Variants in LDLRAD3 observed in about 807,000 individuals in gnomAD.
The protein encoded by LDLRAD3 is low density lipoprotein receptor class A domain containing 3.
In LDLRAD3, 20 loss-of-function variants were observed where a neutral mutation model predicts 29.4. That is an observed-to-expected ratio of 0.68 (90% CI 0.48 to 0.99). LDLRAD3 has a LOEUF of 0.99. Among genes scored for constraint, LDLRAD3 ranks in the 50% least tolerant of loss-of-function variants. The pLI is 0.00. For synonymous variants in LDLRAD3, 157 were observed against 192.7 expected (o/e 0.81, Z 1.53); for missense variants, 420 against 454.3 (o/e 0.92, Z 0.69).
At chr11:36,169,239 A>G (rs1447740328) in intron 4 of LDLRAD3, among the ~76,000 whole-genome samples, 1 of 152,182 alleles carries the variant, frequency 6.6e-6, no homozygotes, top group African/African-American at 2.4e-5. Flanking sequence ...TAATGATCAA[A>G]CCAGGGTAAT....
In LDLRAD3 at chr11:36,130,417, G is replaced by A. The variant is rs567074798; in HGVS notation, c.454+31956G>A. Among the ~76,000 whole-genome samples, 74 of 152,264 alleles carry A rather than the reference G, an allele frequency of 4.9e-4. 1 individual carries two copies. Among genetic ancestry groups the A allele is most frequent in the Admixed American group, 2.3e-3 (35 of 15,300 alleles). On this transcript the variant is annotated intron_variant, in intron 4 of 5. Coordinates refer to ENST00000315571, the MANE Select transcript of LDLRAD3 (RefSeq NM_174902.4). ...GGCTGGATTTTAGAAAAAGTATTAA[G>A]ATCCCAGCCTTGATCCTCAGGACAG... is the stretch of plus-strand genomic sequence containing the variant.
chr11:36,058,683 AC>A (rs1200422513), intron 2 of LDLRAD3, among the ~76,000 whole-genome samples: 13 of 152,194 alleles, frequency 8.5e-5, no homozygotes, highest in Non-Finnish European at 1.6e-4. Flanking sequence ...AGTCAACTCT[AC>A]TTCTAAAGCA....
At chr11:36,135,626 TG>T in intron 4 of LDLRAD3, among the ~76,000 whole-genome samples, 1 of 152,322 alleles carries the variant, frequency 6.6e-6, no homozygotes, top group South Asian at 2.1e-4. Context: ...AATCCGTAAG[TG>T]GGGTTGGGCA....
At chr11:36,194,153 G>A (rs900110340) in intron 4 of LDLRAD3, among the ~76,000 whole-genome samples, 8 of 151,922 alleles carry the variant, frequency 5.3e-5, no homozygotes, top group African/African-American at 1.9e-4. Context: ...TGCAGGGCCC[G>A]GATGTTTTGT....
intron 4 of LDLRAD3, among the ~76,000 whole-genome samples, chr11:36,191,538 GTCTCTCTCTCTCTCTCTCTC>G (rs751965155): frequency 1.8e-5 from 1 of 55,694 alleles, no homozygotes; most frequent in African/African-American, 7.7e-5. Flanking sequence ...GCAAGACCCT[GTCTCTCTCTCTCTCTCTCTC>G]TCTCTCTCTC....
At chr11:35,971,141 A>C (rs1299933439) in intron 1 of LDLRAD3, among the ~76,000 whole-genome samples, 3 of 152,134 alleles carry the variant, frequency 2.0e-5, no homozygotes, top group Admixed American at 6.5e-5. Context: ...GATCTCTCTA[A>C]TTCTGCCTGT....
chr11:36,119,209 CAG>C (rs1853717681), intron 4 of LDLRAD3, among the ~76,000 whole-genome samples: 1 of 152,202 alleles, frequency 6.6e-6, no homozygotes, highest in African/African-American at 2.4e-5. Flanking sequence ...TTCTAACCTA[CAG>C]TATGTATCAG....
intron 4 of LDLRAD3, among the ~76,000 whole-genome samples, chr11:36,135,952 A>G (rs1048224274): frequency 1.3e-5 from 2 of 152,204 alleles, no homozygotes; most frequent in Non-Finnish European, 2.9e-5. Flanking sequence ...TGGGAGATAC[A>G]GTATTTGGCA....
chr11:36,151,510 A>T (rs541228843), intron 4 of LDLRAD3, among the ~76,000 whole-genome samples: 1 of 152,194 alleles, frequency 6.6e-6, no homozygotes, highest in African/African-American at 2.4e-5. Flanking sequence ...CCAGGGCCAC[A>T]TAGCTAGTAA....
chr11:35,950,085 G>A (rs1357850894), intron 1 of LDLRAD3, among the ~76,000 whole-genome samples: 1 of 152,202 alleles, frequency 6.6e-6, no homozygotes, highest in East Asian at 1.9e-4. Flanking sequence ...TGTAAAACTT[G>A]TTCTTTGCCC....
intron 4 of LDLRAD3, among the ~76,000 whole-genome samples, chr11:36,144,136 G>A (rs1157993299): frequency 1.3e-5 from 2 of 152,074 alleles, no homozygotes; most frequent in East Asian, 3.9e-4. Context: ...TCGCTGTGTT[G>A]GCTGGGCTGG....
chr11:36,097,321 T>A (rs1853375078), intron 3 of LDLRAD3, among the ~76,000 whole-genome samples: 1 of 152,184 alleles, frequency 6.6e-6, no homozygotes, highest in South Asian at 2.1e-4. Context: ...ACTGGAAGTA[T>A]CCTACACGGC....
intron 4 of LDLRAD3, among the ~76,000 whole-genome samples, chr11:36,115,544 C>T (rs1407836893): frequency 2.0e-5 from 3 of 152,166 alleles, no homozygotes; most frequent in African/African-American, 4.8e-5. Flanking sequence ...AAGATGACCA[C>T]TCCCTGAGGT....
chr11:36,067,875 G>A (rs1467160661), intron 2 of LDLRAD3, among the ~76,000 whole-genome samples: 1 of 151,988 alleles, frequency 6.6e-6, no homozygotes, highest in Admixed American at 6.6e-5. Context: ...TCACCATGTT[G>A]CTCAGGCTGG....
At chr11:36,162,052 C>T (rs1490249580) in intron 4 of LDLRAD3, among the ~76,000 whole-genome samples, 4 of 152,034 alleles carry the variant, frequency 2.6e-5, no homozygotes, top group Non-Finnish European at 4.4e-5. Flanking sequence ...ATTCCGTTAA[C>T]GGTTTTATAC....
intron 1 of LDLRAD3, among the ~76,000 whole-genome samples, chr11:35,946,218 T>C (rs1301292467): frequency 1.3e-5 from 2 of 152,192 alleles, no homozygotes; most frequent in African/African-American, 4.8e-5. Flanking sequence ...CCAGAGACCC[T>C]ACCCCTCCAT....
intron 4 of LDLRAD3, among the ~76,000 whole-genome samples, chr11:36,224,550 T>C (rs1186238445): frequency 1.3e-5 from 2 of 152,170 alleles, no homozygotes. Flanking sequence ...CAAAATTGCC[T>C]CCCTCCCTTA....
At chr11:36,063,795 G>A (rs1176801639) in intron 2 of LDLRAD3, among the ~76,000 whole-genome samples, 1 of 152,216 alleles carries the variant, frequency 6.6e-6, no homozygotes, top group African/African-American at 2.4e-5. Context: ...AATAACCACA[G>A]TGTCTTAATT....
At chr11:36,064,479 A>ATTTTTTTTTTTTTTTTTTTTTTTTTTTT (rs34464861) in intron 2 of LDLRAD3, among the ~76,000 whole-genome samples, 1 of 120,608 alleles carries the variant, frequency 8.3e-6, no homozygotes, top group Non-Finnish European at 1.7e-5. Flanking sequence ...TGGCTAATTA[A>ATTTTTTTTTTTTTTTTTTTTTTTTTTTT]TTTTTTTTTT....
Sources: gnomAD v4.1 joint callset for allele counts (sites outside exome capture counted in the v4.1 genomes callset) on GRCh38, gnomAD v4.1.1 for gene constraint, MANE v1.5 for transcripts, NCBI Gene and HGNC (gene_info 2026-07-23, HGNC 2026-07-21) for gene names.